Variants in SNRPB2 observed in about 807,000 individuals in gnomAD.
SNRPB2 encodes U2 small nuclear ribonucleoprotein B''.
In SNRPB2, 16 loss-of-function variants were observed where a neutral mutation model predicts 26.3. The observed-to-expected ratio is 0.61, with a 90% CI of 0.41 to 0.92. SNRPB2 has a LOEUF of 0.92. Among genes scored for constraint, SNRPB2 ranks in the 40% least tolerant of loss-of-function variants. The pLI is 0.00. For synonymous variants in SNRPB2, 75 were observed against 89.0 expected, an observed-to-expected ratio of 0.84 and a Z score of 0.88; for missense variants, 179 against 268.1, an observed-to-expected ratio of 0.67 and a Z score of 2.32.
chr20:16,737,051 T>G (rs190365094), intron 3 of SNRPB2, among the ~76,000 whole-genome samples: 1 of 152,350 alleles, frequency 6.6e-6, no homozygotes, highest in Non-Finnish European at 1.5e-5. Context: ...TTTAATCTAA[T>G]AAACACACTT....
At position 16,737,438 on chromosome 20, in the gene SNRPB2, GT is replaced by G. The variant is rs1282558018; in HGVS notation, c.378+39del. The G allele has an allele frequency of 1.9e-6, 3 of 1,549,992 alleles. No individual in the cohort carries two copies. In the South Asian group the frequency reaches 3.7e-5, roughly 19 times the overall value. On this transcript the variant is annotated intron_variant, in intron 4 of 6. Coordinates refer to ENST00000246071, the MANE Select transcript of SNRPB2 (RefSeq NM_003092.5). ...CAAGAAAGTTCCTGTTTGTATTGGT[GT>G]TAAAAACTTGATAGATGCTTGTCTT...
Position 16,740,403 on chromosome 20 carries a change from CT to C in SNRPB2, c.509del (p.Leu170ArgfsTer49). On this transcript the variant is annotated frameshift_variant, in exon 6 of 7. Transcript: ENST00000246071. LOFTEE classifies it high-confidence loss of function. Reference protein sequence around the residue: ...EETNEMMLSMLFNQFPGFKEV... With the variant: ...EETNEMMLSMXFNQFPGFKEV... ...GACTAATGAGATGATGTTATCCATGCTGTTTAATCAGTAAGTTTTTTCATAA... is the reference window on the plus strand; with the variant it reads ...GACTAATGAGATGATGTTATCCATGCGTTTAATCAGTAAGTTTTTTCATAA... 6.2e-7 allele frequency: 1 copy of C among 1,611,362 alleles called. No homozygotes were observed. The highest frequency in any genetic ancestry group is 8.5e-7 in the Non-Finnish European group (1 of 1,178,714).
At position 16,732,352 on chromosome 20, in the gene SNRPB2, T is replaced by C. The variant is rs369451519; in HGVS notation, c.237+16T>C. ...TAAACCAATGGTAAGCCAATTCCATTATTTCACTTTAATCAAGAAATTAAT... is the reference window on the plus strand; with the variant it reads ...TAAACCAATGGTAAGCCAATTCCATCATTTCACTTTAATCAAGAAATTAAT... On this transcript the variant is annotated intron_variant, in intron 3 of 6. Transcript: ENST00000246071. 2.5e-4 allele frequency: 354 copies of C among 1,407,474 alleles called. 2 individuals carry two copies. The African/African-American group carries it at 4.7e-3, about 19-fold the overall frequency. The allele number at this position is 1,407,474 out of a possible 1,614,324, so 87.2% of individuals were successfully genotyped here.
At chr20:16,734,521 G>A (rs933210323) in intron 3 of SNRPB2, among the ~76,000 whole-genome samples, 2 of 152,216 alleles carry the variant, frequency 1.3e-5, no homozygotes, top group Non-Finnish European at 1.5e-5. Flanking sequence ...TTTGGCATAA[G>A]TGTAAATCTT....
Position 16,737,348 on chromosome 20 carries a change from A to C in SNRPB2, c.325A>C (p.Lys109Gln). 6.2e-7 allele frequency: 1 copy of C among 1,607,938 alleles called. No individual in the cohort carries two copies. The highest frequency in any genetic ancestry group is 1.1e-5 in the South Asian group (1 of 88,904). The change falls in exon 4 of 7, where the codon AAA becomes CAA. Residue 109 changes from lysine (K) to glutamine (Q), a missense_variant. Transcript: ENST00000246071. ...ADKEKKKEKK[K>Q]AKTVEQTATT... is the part of the protein sequence containing the mutation. Reference sequence around the variant, plus strand: ...CAAAGAAAAGAAAAAAGAAAAGAAAAAAGCCAAAACTGTGGAACAGACTGC... The same window carrying C: ...CAAAGAAAAGAAAAAAGAAAAGAAACAAGCCAAAACTGTGGAACAGACTGC...
chr20:16,740,710 TC>T (rs1478455066), intron 6 of SNRPB2, 135 bp from the exon 7 acceptor site: 8 of 704,714 alleles, frequency 1.1e-5, no homozygotes. Context: ...ATGAGGCTCT[TC>T]CGTCTACTCA....
chr20:16,731,697 A>G lies in SNRPB2; in HGVS notation c.-6A>G, dbSNP rs1167747521. The G allele has an allele frequency of 6.2e-7, 1 of 1,611,986 alleles. No homozygotes were observed. Among genetic ancestry groups the G allele is most frequent in the East Asian group, 2.2e-5 (1 of 44,744 alleles). ...TTTACTGTCTCCTGAAGAATTTAAC[A>G]CAAACATGGATATCAGACCAAATCA... On this transcript the variant is annotated 5_prime_UTR_variant, in exon 2 of 7. Coordinates refer to ENST00000246071, the MANE Select transcript of SNRPB2 (RefSeq NM_003092.5).
At chr20:16,740,058 A>T (rs2072453504) in intron 5 of SNRPB2, among the ~76,000 whole-genome samples, 1 of 152,046 alleles carries the variant, frequency 6.6e-6, no homozygotes, top group Admixed American at 6.6e-5. Context: ...TATCCAGGTG[A>T]CAAAATTCTC....
chr20:16,734,515 G>T (rs1483843705), intron 3 of SNRPB2, among the ~76,000 whole-genome samples: 1 of 152,182 alleles, frequency 6.6e-6, no homozygotes, highest in Non-Finnish European at 1.5e-5. Flanking sequence ...GAAAACTTTG[G>T]CATAAGTGTA....
chr20:16,738,884 T>C lies in SNRPB2; in HGVS notation c.411T>C (p.Asn137=), dbSNP rs1380693924. 1.2e-6 allele frequency: 2 copies of C among 1,606,582 alleles called. No individual in the cohort carries two copies. The highest frequency in any genetic ancestry group is 1.3e-5 in the African/African-American group (1 of 74,774). Residue 137 remains asparagine, a synonymous_variant, in exon 5 of 7, where the codon AAT becomes AAC. Coordinates refer to ENST00000246071, the MANE Select transcript of SNRPB2 (RefSeq NM_003092.5). The stretch of plus-strand genomic sequence containing the variant: ...CAAATTCAGCTAATACCCAAGGAAA[T>C]TCAACACCAAATCCTCAGGTAATTT... ...GTPNSANTQG[N]STPNPQVPDY... is the part of the protein sequence containing the mutation.
intron 5 of SNRPB2, among the ~76,000 whole-genome samples, chr20:16,739,772 T>C (rs1936486425): frequency 6.6e-6 from 1 of 152,164 alleles, no homozygotes; most frequent in African/African-American, 2.4e-5. Flanking sequence ...ATGAGTAATA[T>C]CTAATAAACT....
At chr20:16,733,540 T>G (rs565789147) in intron 3 of SNRPB2, among the ~76,000 whole-genome samples, 1 of 152,282 alleles carries the variant, frequency 6.6e-6, no homozygotes, top group African/African-American at 2.4e-5. Context: ...TAACAGCTAG[T>G]ATTGTGATTT....
chr20:16,731,857 A>C, intron 2 of SNRPB2, 91 bp downstream of exon 2: 7 of 1,559,822 alleles, frequency 4.5e-6, no homozygotes, highest in Non-Finnish European at 6.1e-6. Flanking sequence ...CTCTTACCTC[A>C]TCATCTTAGT....
intron 4 of SNRPB2, 58 bp downstream of exon 4, chr20:16,737,459 TG>T: frequency 6.9e-7 from 1 of 1,457,768 alleles, no homozygotes; most frequent in Non-Finnish European, 9.3e-7. Context: ...GATAGATGCT[TG>T]TCTTACAGGT....
At chr20:16,740,556 C>T (rs1239151866) in intron 6 of SNRPB2, 143 bp downstream of exon 6, 3 of 1,394,010 alleles carry the variant, frequency 2.2e-6, no homozygotes, top group Admixed American at 3.0e-5. Context: ...TGAATTGGAG[C>T]CAATTTGCCG....
intron 3 of SNRPB2, among the ~76,000 whole-genome samples, chr20:16,733,940 C>G (rs2072409460): frequency 6.6e-6 from 1 of 152,130 alleles, no homozygotes; most frequent in Non-Finnish European, 1.5e-5. Flanking sequence ...ACCAGGCGGT[C>G]TCTCATAGTA....
chr20:16,732,085 A>G lies in SNRPB2; in HGVS notation c.65-79A>G, dbSNP rs541528277. On this transcript the variant is annotated intron_variant, in intron 2 of 6. Transcript: ENST00000246071. ...AAATAAGTGAATGGTGGGGGGGGCA[A>G]CTCAATGCAGTATCATTTTATGAAG... 3.2e-5 allele frequency: 27 copies of G among 838,190 alleles called. No homozygotes were observed. In the East Asian group the frequency reaches 6.7e-4, roughly 21 times the overall value. The allele number at this position is 838,190 out of a possible 1,614,324, so 51.9% of individuals were successfully genotyped here.
rs998640101 is a variant in SNRPB2 at position 16,731,889 on chromosome 20, C to T, written c.64+123C>T. 1.7e-5 allele frequency: 25 copies of T among 1,463,622 alleles called. No individual in the cohort carries two copies. The Middle Eastern group carries it at 5.5e-4, about 32-fold the overall frequency. The allele number at this position is 1,463,622 out of a possible 1,614,324, so 90.7% of individuals were successfully genotyped here. Reference sequence around the variant, plus strand: ...TAGTGCCTGAAATAATGGTTTATCCCATTTCCTATAGGGATTTGAAGGCTT... The same window carrying T: ...TAGTGCCTGAAATAATGGTTTATCCTATTTCCTATAGGGATTTGAAGGCTT... On this transcript the variant is annotated intron_variant, in intron 2 of 6. Coordinates refer to ENST00000246071, the MANE Select transcript of SNRPB2 (RefSeq NM_003092.5).
intron 1 of SNRPB2, chr20:16,730,697 C>T (rs1489121317): frequency 6.6e-6 from 1 of 152,228 alleles, no homozygotes; most frequent in Non-Finnish European, 1.5e-5. Flanking sequence ...AGTTCACATA[C>T]AGTGGATGCT....
Sources: allele counts gnomAD v4.1 joint callset (sites outside exome capture counted in the v4.1 genomes callset), GRCh38; gene constraint gnomAD v4.1.1; transcripts MANE v1.5; gene names NCBI Gene and HGNC (gene_info 2026-07-23, HGNC 2026-07-21).